GRID1: variants seen among roughly 807,000 people sequenced by gnomAD.
GRID1 encodes glutamate ionotropic receptor delta type subunit 1.
Under a neutral mutation model 98.0 loss-of-function variants are expected in GRID1, and 28 were observed. That is an observed-to-expected ratio of 0.29 (90% CI 0.21 to 0.39). The LOEUF is 0.39. GRID1 is among the 10% of genes least tolerant of loss of function. GRID1 has a pLI of 1.00. For missense variants in GRID1, 1,111 were observed against 1,340.5 expected (o/e 0.83, Z 2.67); for synonymous variants, 553 against 538.5 (o/e 1.03, Z -0.37).
At chr10:85,625,317 G>C (rs1392575367) in intron 13 of GRID1, among the ~76,000 whole-genome samples, 2 of 152,228 alleles carry the variant, frequency 1.3e-5, no homozygotes, top group African/African-American at 4.8e-5. Flanking sequence ...GGACACAAAG[G>C]CCTGGGAGAG....
chr10:85,840,940 T>C (rs559980538), intron 8 of GRID1, among the ~76,000 whole-genome samples: 1 of 152,332 alleles, frequency 6.6e-6, no homozygotes, highest in South Asian at 2.1e-4. Context: ...TTCAATGTTA[T>C]TCCTATTAAC....
At chr10:86,332,401 G>C (rs1848157343) in intron 2 of GRID1, among the ~76,000 whole-genome samples, 1 of 152,078 alleles carries the variant, frequency 6.6e-6, no homozygotes, top group African/African-American at 2.4e-5. Context: ...CTGCAGCTCA[G>C]AACGCCTCTG....
At chr10:85,663,493 A>G (rs1234297246) in intron 12 of GRID1, among the ~76,000 whole-genome samples, 1 of 152,208 alleles carries the variant, frequency 6.6e-6, no homozygotes, top group African/African-American at 2.4e-5. Context: ...GTGAGACAAT[A>G]AATGTTGTCT....
At chr10:85,865,914 T>TATATATATATATATATATATATATATAC (rs1843211060) in intron 6 of GRID1, among the ~76,000 whole-genome samples, 1 of 37,964 alleles carries the variant, frequency 2.6e-5, no homozygotes, top group Non-Finnish European at 6.2e-5. Flanking sequence ...CATATATACA[T>TATATATATATATATATATATATATATAC]ATATATATAT....
chr10:86,077,859 G>C (rs891286698), intron 4 of GRID1, among the ~76,000 whole-genome samples: 1 of 152,218 alleles, frequency 6.6e-6, no homozygotes, highest in African/African-American at 2.4e-5. Flanking sequence ...ACAGGGCATG[G>C]ACATTAAGTG....
At chr10:85,863,583 G>A (rs973596955) in intron 6 of GRID1, among the ~76,000 whole-genome samples, 2 of 152,328 alleles carry the variant, frequency 1.3e-5, no homozygotes, top group East Asian at 3.9e-4. Context: ...CAGTTATTGA[G>A]TCCCTGGGAG....
intron 8 of GRID1, among the ~76,000 whole-genome samples, chr10:85,752,238 C>T (rs1842054963): frequency 6.6e-6 from 1 of 152,144 alleles, no homozygotes; most frequent in South Asian, 2.1e-4. Flanking sequence ...CTTGGAGACA[C>T]ACTCAAACTG....
At chr10:86,301,019 C>G (rs1847678126) in intron 2 of GRID1, among the ~76,000 whole-genome samples, 1 of 152,218 alleles carries the variant, frequency 6.6e-6, no homozygotes, top group Admixed American at 6.5e-5. Flanking sequence ...GTTGCTGAAC[C>G]CTCTCTATTG....
At chr10:86,191,369 C>T (rs1300989845) in intron 3 of GRID1, among the ~76,000 whole-genome samples, 1 of 152,064 alleles carries the variant, frequency 6.6e-6, no homozygotes, top group African/African-American at 2.4e-5. Context: ...TGGTCCAGGT[C>T]GGGGAGCCAT....
intron 4 of GRID1, among the ~76,000 whole-genome samples, chr10:86,104,232 G>A (rs932356380): frequency 1.3e-5 from 2 of 152,200 alleles, no homozygotes; most frequent in Admixed American, 1.3e-4. Flanking sequence ...CAAAGCTGCT[G>A]GCCAGCCCAG....
chr10:85,741,652 G>T (rs1841944199), intron 8 of GRID1, among the ~76,000 whole-genome samples: 2 of 151,918 alleles, frequency 1.3e-5, no homozygotes, highest in Non-Finnish European at 2.9e-5. Context: ...CAATCCAGCT[G>T]CCAGGTTTCT....
chr10:85,945,586 C>T (rs1031911888), intron 4 of GRID1, among the ~76,000 whole-genome samples: 3 of 152,218 alleles, frequency 2.0e-5, no homozygotes, highest in African/African-American at 7.2e-5. Flanking sequence ...TTCCCAGATA[C>T]TTCAAACACA....
chr10:86,228,995 G>A (rs1028779084), intron 2 of GRID1, among the ~76,000 whole-genome samples: 1 of 152,162 alleles, frequency 6.6e-6, no homozygotes, highest in Non-Finnish European at 1.5e-5. Context: ...TGTGGGTGTG[G>A]AGGCAGTGGG....
At chr10:85,861,170 C>T (rs887018162) in intron 6 of GRID1, among the ~76,000 whole-genome samples, 1 of 152,160 alleles carries the variant, frequency 6.6e-6, no homozygotes, top group Non-Finnish European at 1.5e-5. Context: ...TTGTATCCTC[C>T]AACACCACTC....
chr10:85,874,887 A>G (rs1343659201), intron 5 of GRID1, among the ~76,000 whole-genome samples: 2 of 151,950 alleles, frequency 1.3e-5, no homozygotes, highest in Non-Finnish European at 2.9e-5. Flanking sequence ...TTATTTTGAG[A>G]CAGAGTCTCG....
intron 2 of GRID1, among the ~76,000 whole-genome samples, chr10:86,308,531 G>A (rs901848263): frequency 6.6e-6 from 1 of 152,192 alleles, no homozygotes; most frequent in Admixed American, 6.5e-5. Flanking sequence ...CCATGGGGTG[G>A]TATTGTTCAA....
chr10:86,250,066 T>C (rs1846796290), intron 2 of GRID1, among the ~76,000 whole-genome samples: 1 of 151,774 alleles, frequency 6.6e-6, no homozygotes, highest in Non-Finnish European at 1.5e-5. Flanking sequence ...TGTGGGTAGC[T>C]GGGTGGGTGG....
At chr10:86,228,443 A>G (rs1469924946) in intron 2 of GRID1, among the ~76,000 whole-genome samples, 2 of 152,080 alleles carry the variant, frequency 1.3e-5, no homozygotes, top group Non-Finnish European at 2.9e-5. Context: ...CCTCCTTGAT[A>G]CAATTGGAGC....
intron 2 of GRID1, among the ~76,000 whole-genome samples, chr10:86,231,901 G>A (rs957342081): frequency 8.5e-5 from 13 of 152,178 alleles, no homozygotes; most frequent in Admixed American, 2.6e-4. Context: ...ATGATTCCCC[G>A]AGGCTGGCAC....
Sources: allele counts gnomAD v4.1 joint callset (sites outside exome capture counted in the v4.1 genomes callset), GRCh38; gene constraint gnomAD v4.1.1; transcripts MANE v1.5; gene names NCBI Gene and HGNC (gene_info 2026-07-23, HGNC 2026-07-21).